Variants in EPHB1 observed in about 807,000 individuals in gnomAD.
EPHB1 encodes the protein EPH receptor B1.
In EPHB1, 30 loss-of-function variants were observed where a neutral mutation model predicts 94.4. That is an observed-to-expected ratio of 0.32 (90% CI 0.24 to 0.43). The LOEUF (loss-of-function observed/expected upper bound fraction) is 0.43. Ranked by LOEUF, EPHB1 falls within the 20% of genes least tolerant of loss-of-function variation. The probability of loss-of-function intolerance (pLI) is 1.00; values close to 1 mark genes in which losing one functional copy is unlikely to be tolerated. For synonymous variants in EPHB1, 522 were observed against 489.1 expected (o/e 1.07, Z -0.89); for missense variants, 1,055 against 1,308.3 (o/e 0.81, Z 2.99).
intron 1 of EPHB1, among the ~76,000 whole-genome samples, chr3:134,804,142 G>T (rs2035990228): frequency 8.5e-6 from 1 of 117,610 alleles, no homozygotes; most frequent in African/African-American, 3.3e-5. Context: ...TCATGCTGTT[G>T]CTAAAGACAT....
In EPHB1 at chr3:134,858,058, G is replaced by C. The variant is rs1001239657; in HGVS notation, c.58+62369G>C. Among the ~76,000 whole-genome samples, 4 of 152,054 alleles carry C rather than the reference G, an allele frequency of 2.6e-5. No homozygotes were observed. The East Asian group carries it at 5.8e-4, about 22-fold the overall frequency. On this transcript the variant is annotated intron_variant, in intron 1 of 15. Coordinates refer to ENST00000398015, the MANE Select transcript of EPHB1 (RefSeq NM_004441.5). ...AGGCTTCCCAGAAGCCCTCCAGGAG[G>C]TCTTAGCTTGTGATACTCTCCACCT... is the stretch of plus-strand genomic sequence containing the variant.
intron 5 of EPHB1, among the ~76,000 whole-genome samples, chr3:135,150,292 T>A (rs1168434939): frequency 6.6e-6 from 1 of 152,244 alleles, no homozygotes; most frequent in Non-Finnish European, 1.5e-5. Context: ...AAGGGCAGCC[T>A]GAGAGTCACA....
chr3:135,165,011 T>C (rs1347061394), intron 7 of EPHB1, among the ~76,000 whole-genome samples: 1 of 152,202 alleles, frequency 6.6e-6, no homozygotes, highest in African/African-American at 2.4e-5. Flanking sequence ...CCTACATTCG[T>C]ATTTGCTATA....
chr3:135,031,231 C>T (rs923570987), intron 3 of EPHB1, among the ~76,000 whole-genome samples: 1 of 152,182 alleles, frequency 6.6e-6, no homozygotes, highest in African/African-American at 2.4e-5. Context: ...TCCTATTCGG[C>T]CCTCTTGGCT....
intron 3 of EPHB1, among the ~76,000 whole-genome samples, chr3:134,963,690 A>G (rs1041310992): frequency 7.2e-5 from 11 of 152,160 alleles, no homozygotes; most frequent in African/African-American, 2.7e-4. Flanking sequence ...CATACAACAC[A>G]GGACTTGGAG....
intron 2 of EPHB1, among the ~76,000 whole-genome samples, chr3:134,930,629 G>T (rs1370883270): frequency 1.3e-5 from 2 of 152,196 alleles, no homozygotes; most frequent in Non-Finnish European, 2.9e-5. Flanking sequence ...TCAGCGCTGT[G>T]CCCAACCATG....
chr3:135,006,590 G>A (rs1190929365), intron 3 of EPHB1, among the ~76,000 whole-genome samples: 3 of 152,236 alleles, frequency 2.0e-5, no homozygotes, highest in Non-Finnish European at 2.9e-5. Flanking sequence ...AGCTACTTGG[G>A]AGGCTGAGAG....
chr3:135,108,043 C>T (rs767901190), intron 4 of EPHB1, among the ~76,000 whole-genome samples: 1 of 152,116 alleles, frequency 6.6e-6, no homozygotes, highest in Non-Finnish European at 1.5e-5. Context: ...ATGTTCAGAC[C>T]AAAGACTAGT....
At chr3:134,830,847 T>C (rs963858032) in intron 1 of EPHB1, among the ~76,000 whole-genome samples, 3 of 152,178 alleles carry the variant, frequency 2.0e-5, no homozygotes. Context: ...CAGTCTGACA[T>C]CTTTGTCCTC....
chr3:134,814,715 G>A (rs2108287411), intron 1 of EPHB1, among the ~76,000 whole-genome samples: 1 of 152,334 alleles, frequency 6.6e-6, no homozygotes, highest in South Asian at 2.1e-4. Flanking sequence ...AGGAGTTCCT[G>A]TGAGGGAAGG....
intron 3 of EPHB1, among the ~76,000 whole-genome samples, chr3:134,972,151 C>T (rs1290497713): frequency 6.6e-6 from 1 of 152,068 alleles, no homozygotes; most frequent in African/African-American, 2.4e-5. Context: ...CATGGCCACA[C>T]CTGCCTCCCA....
chr3:135,125,230 A>G (rs745426097), intron 4 of EPHB1, among the ~76,000 whole-genome samples: 4 of 151,520 alleles, frequency 2.6e-5, no homozygotes, highest in Non-Finnish European at 5.9e-5. Flanking sequence ...TTGCCTCAGT[A>G]ACCTCCCTCC....
At chr3:135,141,334 C>T (rs1463500372) in intron 5 of EPHB1, among the ~76,000 whole-genome samples, 1 of 151,974 alleles carries the variant, frequency 6.6e-6, no homozygotes, top group Non-Finnish European at 1.5e-5. Flanking sequence ...CTTGGATGTG[C>T]ATTTGTTGTT....
intron 1 of EPHB1, among the ~76,000 whole-genome samples, chr3:134,816,811 T>C (rs1251197340): frequency 1.3e-5 from 2 of 151,970 alleles, no homozygotes; most frequent in African/African-American, 4.8e-5. Context: ...GCTGGGGCGA[T>C]GTTCAGTAAC....
At chr3:135,096,960 G>GTGACACATGCCTGTAGTCCCAGCTACTT (rs1938804886) in intron 3 of EPHB1, among the ~76,000 whole-genome samples, 1 of 151,984 alleles carries the variant, frequency 6.6e-6, no homozygotes, top group Non-Finnish European at 1.5e-5. Flanking sequence ...GCCAGGTGTG[G>GTGACACATGCCTGTAGTCCCAGCTACTT]TGACACATGC....
chr3:134,812,276 C>G (rs1265666601), intron 1 of EPHB1, among the ~76,000 whole-genome samples: 3 of 152,192 alleles, frequency 2.0e-5, no homozygotes, highest in Admixed American at 2.0e-4. Context: ...GGTCATGTGC[C>G]TCCCTTCACT....
intron 15 of EPHB1, among the ~76,000 whole-genome samples, chr3:135,257,667 T>TTTTG (rs1197184879): frequency 1.3e-5 from 2 of 149,886 alleles, no homozygotes; most frequent in Non-Finnish European, 3.0e-5. Context: ...ACTGCTGTCT[T>TTTTG]TTTGTTTGTC....
rs2107687259 is a variant in EPHB1, at chr3:135,132,806, G to A, written c.1054G>A (p.Asp352Asn). 10 of 1,614,006 alleles carry A rather than the reference G, an allele frequency of 6.2e-6. No individual in the cohort carries two copies. The highest frequency in any genetic ancestry group is 8.5e-6 in the Non-Finnish European group (10 of 1,179,892). ...CCCTCCAAGGGAGACAGGTGGGCGGGATGATGTGACCTACAACATCATCTG... is the reference window on the plus strand; with the variant it reads ...CCCTCCAAGGGAGACAGGTGGGCGGAATGATGTGACCTACAACATCATCTG... ...WHPPRETGGR[D>N]DVTYNIICKK... Residue 352 changes from aspartate to asparagine, a missense_variant, in exon 5 of 16, where the codon GAT becomes AAT. Asp to Asn is a conservative substitution (Grantham distance 23). Coordinates refer to ENST00000398015, the MANE Select transcript of EPHB1 (RefSeq NM_004441.5).
chr3:134,799,396 GA>G (rs2035892904), intron 1 of EPHB1, among the ~76,000 whole-genome samples: 1 of 152,226 alleles, frequency 6.6e-6, no homozygotes, highest in Admixed American at 6.5e-5. Context: ...GTCTGAGAAA[GA>G]AAAGCAAATT....
Sources: gnomAD v4.1 joint callset for allele counts (sites outside exome capture counted in the v4.1 genomes callset) on GRCh38, gnomAD v4.1.1 for gene constraint, MANE v1.5 for transcripts, NCBI Gene and HGNC (gene_info 2026-07-23, HGNC 2026-07-21) for gene names.